Variants in SMYD3 observed in about 807,000 individuals in gnomAD.
The protein encoded by SMYD3 is SET and MYND domain containing 3.
Under a neutral mutation model 57.7 loss-of-function variants are expected in SMYD3, and 36 were observed. The ratio of observed to expected loss-of-function variants is 0.62; its 90% CI spans 0.48 to 0.82. The LOEUF (loss-of-function observed/expected upper bound fraction) is 0.82, where lower values mean the gene tolerates loss of function less well. Among genes scored for constraint, SMYD3 ranks in the 40% least tolerant of loss-of-function variants. SMYD3 has a pLI of 0.00. For synonymous variants in SMYD3, 211 were observed against 195.0 expected (o/e 1.08, Z -0.68); for missense variants, 515 against 538.8 (o/e 0.96, Z 0.44).
At chr1:246,180,975 C>A (rs2062542199) in intron 5 of SMYD3, among the ~76,000 whole-genome samples, 1 of 151,958 alleles carries the variant, frequency 6.6e-6, no homozygotes, top group African/African-American at 2.4e-5. Context: ...ATACTCTACT[C>A]TAATATGTCC....
chr1:246,478,344 C>A (rs1292524933), intron 1 of SMYD3, among the ~76,000 whole-genome samples: 1 of 152,156 alleles, frequency 6.6e-6, no homozygotes, highest in Non-Finnish European at 1.5e-5. Flanking sequence ...CACATAAGTG[C>A]TCATATATGC....
intron 5 of SMYD3, among the ~76,000 whole-genome samples, chr1:246,124,435 C>A (rs190468448): frequency 1.4e-4 from 22 of 152,204 alleles, no homozygotes; most frequent in Admixed American, 1.2e-3. Flanking sequence ...TCAACCAAAT[C>A]ACTAAGTCTT....
intron 5 of SMYD3, among the ~76,000 whole-genome samples, chr1:246,119,193 T>A (rs2061386769): frequency 6.6e-6 from 1 of 151,890 alleles, no homozygotes; most frequent in Non-Finnish European, 1.5e-5. Context: ...GCTAAATTTT[T>A]TTTTTATTTT....
chr1:245,956,995 T>C (rs1217077200), intron 5 of SMYD3, among the ~76,000 whole-genome samples: 1 of 152,216 alleles, frequency 6.6e-6, no homozygotes, highest in East Asian at 1.9e-4. Flanking sequence ...ATTCTCATTT[T>C]GCTAAACTAG....
intron 5 of SMYD3, among the ~76,000 whole-genome samples, chr1:246,027,332 G>T (rs534269730): frequency 6.6e-6 from 1 of 152,196 alleles, no homozygotes; most frequent in Non-Finnish European, 1.5e-5. Context: ...AGATGAAACC[G>T]CCTTATATTG....
intron 5 of SMYD3, among the ~76,000 whole-genome samples, chr1:245,965,235 T>C (rs1290110010): frequency 6.6e-6 from 1 of 152,184 alleles, no homozygotes; most frequent in Non-Finnish European, 1.5e-5. Flanking sequence ...GTGAAATGAA[T>C]GACAGTGATG....
intron 7 of SMYD3, among the ~76,000 whole-genome samples, chr1:245,924,654 GCTT>G (rs1572703386): frequency 8.7e-6 from 1 of 115,154 alleles, no homozygotes; most frequent in African/African-American, 3.2e-5. Flanking sequence ...CTCTATTCCA[GCTT>G]TTTTTTTTTT....
chr1:245,952,275 A>G (rs2057682187), intron 5 of SMYD3, among the ~76,000 whole-genome samples: 1 of 152,194 alleles, frequency 6.6e-6, no homozygotes, highest in Non-Finnish European at 1.5e-5. Context: ...CGTAAGGATC[A>G]CTTTGGGAAA....
chr1:246,003,955 T>C (rs2059126864), intron 5 of SMYD3, among the ~76,000 whole-genome samples: 1 of 152,088 alleles, frequency 6.6e-6, no homozygotes, highest in African/African-American at 2.4e-5. Context: ...TTATATAAGC[T>C]CAGGTATGAG....
intron 9 of SMYD3, among the ~76,000 whole-genome samples, chr1:245,860,197 C>T (rs796780855): frequency 4.6e-5 from 7 of 152,172 alleles, no homozygotes; most frequent in African/African-American, 1.4e-4. Flanking sequence ...ATGACCTGGT[C>T]CCTTTACAAT....
intron 5 of SMYD3, among the ~76,000 whole-genome samples, chr1:246,201,477 T>C (rs2148364106): frequency 6.6e-6 from 1 of 152,358 alleles, no homozygotes; most frequent in African/African-American, 2.4e-5. Context: ...ATATGCATTT[T>C]ATATGAAATA....
chr1:245,985,237 T>G (rs1187912677), intron 5 of SMYD3, among the ~76,000 whole-genome samples: 1 of 152,148 alleles, frequency 6.6e-6, no homozygotes, highest in African/African-American at 2.4e-5. Flanking sequence ...TGCCATACAT[T>G]TTGCCTGAGA....
chr1:246,186,740 T>TA (rs1345270756), intron 5 of SMYD3: 15 of 985,116 alleles, frequency 1.5e-5, no homozygotes, highest in South Asian at 9.4e-5. Flanking sequence ...TCTGAATACT[T>TA]ACAATAATCC....
intron 1 of SMYD3, among the ~76,000 whole-genome samples, chr1:246,363,548 G>A (rs887046432): frequency 1.2e-4 from 18 of 152,196 alleles, no homozygotes; most frequent in African/African-American, 4.1e-4. Flanking sequence ...AAGTAGACAT[G>A]GGAGACTTTT....
chr1:246,461,584 A>G (rs980251537), intron 1 of SMYD3, among the ~76,000 whole-genome samples: 4 of 151,960 alleles, frequency 2.6e-5, no homozygotes, highest in Admixed American at 6.6e-5. Flanking sequence ...GAATTAGGTA[A>G]CTAAAGGCTA....
At chr1:245,974,481 G>A (rs12406180) in intron 5 of SMYD3, among the ~76,000 whole-genome samples, 19,188 of 139,318 alleles carry the variant, frequency 0.14, 1,658 homozygotes, top group East Asian at 0.35. Flanking sequence ...CATCGTCTCC[G>A]GCCCAGGGAA....
intron 5 of SMYD3, among the ~76,000 whole-genome samples, chr1:246,089,132 C>G (rs865934102): frequency 6.6e-6 from 1 of 152,094 alleles, no homozygotes; most frequent in Non-Finnish European, 1.5e-5. Flanking sequence ...CATGCACCAC[C>G]ATGCCCAGCT....
Position 246,248,631 on chromosome 1 carries a change from C to CTTGTTTTTTTT in SMYD3, c.531+78569_531+78570insAAAAAAAACAA, listed in dbSNP as rs1309872022. On this transcript the variant is annotated intron_variant, in intron 5 of 11. Transcript: ENST00000490107. Reference sequence around the variant, plus strand: ...GGCCAGTTATGCAAAAGCTCTCTGACTTTCCTTTTTTTTTTTTTTTTTTTT... The same window carrying CTTGTTTTTTTT: ...GGCCAGTTATGCAAAAGCTCTCTGACTTGTTTTTTTTTTTCCTTTTTTTTTTTTTTTTTTTT... Among the ~76,000 whole-genome samples the CTTGTTTTTTTT allele has an allele frequency of 6.5e-3, 773 of 119,096 alleles. 73 individuals carry two copies. The highest frequency in any genetic ancestry group is 0.014 in the African/African-American group (413 of 29,262). 78.1% of individuals were successfully genotyped at this position (119,096 alleles called of 152,430 possible).
At chr1:245,849,714 G>T (rs906210320) in intron 10 of SMYD3, among the ~76,000 whole-genome samples, 1 of 152,016 alleles carries the variant, frequency 6.6e-6, no homozygotes, top group South Asian at 2.1e-4. Flanking sequence ...GTGCAACGAC[G>T]TGATCACAGC....
Sources: gnomAD v4.1 joint callset for allele counts (sites outside exome capture counted in the v4.1 genomes callset) on GRCh38, gnomAD v4.1.1 for gene constraint, MANE v1.5 for transcripts, NCBI Gene and HGNC (gene_info 2026-07-23, HGNC 2026-07-21) for gene names.